The following CSMD1 variants were observed in gnomAD, a reference collection of about 807,000 sequenced individuals.
CSMD1 encodes the protein CUB and sushi domain-containing protein 1.
In CSMD1, 213 loss-of-function variants were observed where a neutral mutation model predicts 417.5. The ratio of observed to expected loss-of-function variants is 0.51; its 90% confidence interval spans 0.46 to 0.57. The LOEUF is 0.57. Among genes scored for constraint, CSMD1 ranks in the 20% least tolerant of loss-of-function variants. The pLI is 0.00. For missense variants in CSMD1, 6,923 were observed against 4,529.7 expected, an observed-to-expected ratio of 1.53 and a Z score of -15.17; for synonymous variants, 2,862 against 1,736.8, an observed-to-expected ratio of 1.65 and a Z score of -16.11.
intron 52 of CSMD1, among the ~76,000 whole-genome samples, chr8:3,004,485 C>G (rs1164219672): frequency 1.3e-5 from 2 of 152,174 alleles, no homozygotes; most frequent in African/African-American, 2.4e-5. Flanking sequence ...TACTAGTAAT[C>G]TGAACCCAGC....
intron 5 of CSMD1, among the ~76,000 whole-genome samples, chr8:3,936,060 G>C (rs1486814207): frequency 6.6e-6 from 1 of 152,034 alleles, no homozygotes; most frequent in African/African-American, 2.4e-5. Context: ...AGTGTCCTGG[G>C]TAAAAGACCA....
intron 1 of CSMD1, among the ~76,000 whole-genome samples, chr8:4,835,224 T>C (rs928622068): frequency 2.0e-5 from 3 of 151,910 alleles, no homozygotes; most frequent in African/African-American, 7.2e-5. Context: ...AGAGAGGAGA[T>C]AAATGATTGA....
chr8:3,460,772 G>T (rs1563060577), intron 12 of CSMD1, among the ~76,000 whole-genome samples: 2 of 152,254 alleles, frequency 1.3e-5, no homozygotes, highest in South Asian at 4.2e-4. Context: ...AAGAATATAG[G>T]GAGATTATTT....
intron 10 of CSMD1, among the ~76,000 whole-genome samples, chr8:3,564,525 G>GTGTGTGTGTGTGTGTT (rs1799613686): frequency 6.6e-6 from 1 of 150,936 alleles, no homozygotes; most frequent in Non-Finnish European, 1.5e-5. Context: ...ATTTGTGTGT[G>GTGTGTGTGTGTGTGTT]TGTGTGTGTG....
chr8:3,473,428 T>G (rs1179935979), intron 11 of CSMD1, among the ~76,000 whole-genome samples: 2 of 152,320 alleles, frequency 1.3e-5, no homozygotes, highest in East Asian at 3.9e-4. Flanking sequence ...TAAAAGCACT[T>G]TTTATTTTTA....
In CSMD1 at chr8:3,723,948, G is replaced by A. The variant is rs1358182609; in HGVS notation, c.932-15457C>T. On this transcript the variant is annotated intron_variant, in intron 6 of 69. Transcript: ENST00000635120. ...TTTTGTAGCTAACTTTTAAGAAATA[G>A]CCATTTGTTAAGTTTAATGTTGTGT... is the stretch of plus-strand genomic sequence containing the variant. 6.7e-5 allele frequency among the ~76,000 whole-genome samples: 10 copies of A among 148,356 alleles called. 3 individuals are homozygous for A. The highest frequency in any genetic ancestry group is 3.4e-4 in the Admixed American group (5 of 14,654).
chr8:4,369,572 C>T (rs554631681), intron 3 of CSMD1, among the ~76,000 whole-genome samples: 1 of 151,342 alleles, frequency 6.6e-6, no homozygotes, highest in African/African-American at 2.4e-5. Context: ...GAGTGGTTGT[C>T]TAAGTCTGTC....
chr8:3,878,161 C>T (rs570392223), intron 5 of CSMD1, among the ~76,000 whole-genome samples: 9 of 151,898 alleles, frequency 5.9e-5, no homozygotes, highest in Admixed American at 2.0e-4. Context: ...ATTTTTTGCA[C>T]GAGAGATTCA....
rs986723587 is a variant in CSMD1, at chr8:3,219,264, C to G, written c.4663G>C (p.Glu1555Gln). 9 of 1,590,478 alleles carry G rather than the reference C, an allele frequency of 5.7e-6. No individual in the cohort carries two copies. Among genetic ancestry groups the G allele is most frequent in the Non-Finnish European group, 7.7e-6 (9 of 1,167,454 alleles). Residue 1555 changes from glutamate (E) to glutamine (Q), a missense_variant, in exon 29 of 70, where the codon GAA becomes CAA. Glu to Gln is a conservative substitution (Grantham distance 29, BLOSUM62 2). Coordinates refer to ENST00000635120, the MANE Select transcript of CSMD1 (RefSeq NM_033225.6). ...CAGGCAATCGCAATACCTTTAAATTCAATGGCGAACCCTGAAAGGCCCACG... is the reference window on the plus strand; with the variant it reads ...CAGGCAATCGCAATACCTTTAAATTGAATGGCGAACCCTGAAAGGCCCACG... ...ASVGLSGFAI[E>Q]FKEKPREACF... is the part of the protein sequence containing the mutation.
intron 11 of CSMD1, among the ~76,000 whole-genome samples, chr8:3,480,942 G>A (rs1164846589): frequency 6.6e-6 from 1 of 151,940 alleles, no homozygotes; most frequent in Non-Finnish European, 1.5e-5. Context: ...GGATCACAAG[G>A]TCAGGAGATC....
intron 2 of CSMD1, among the ~76,000 whole-genome samples, chr8:4,480,203 A>G (rs1440700881): frequency 6.6e-6 from 1 of 151,306 alleles, no homozygotes; most frequent in Non-Finnish European, 1.5e-5. Context: ...AAAAAAAACA[A>G]AAAAAAACCG....
intron 51 of CSMD1, among the ~76,000 whole-genome samples, chr8:3,021,774 C>A (rs557126045): frequency 6.8e-6 from 1 of 146,864 alleles, no homozygotes; most frequent in African/African-American, 2.5e-5. Context: ...CCGGAATGCA[C>A]CTGCAATCCC....
At chr8:3,493,425 A>G (rs532742829) in intron 11 of CSMD1, among the ~76,000 whole-genome samples, 198 bp downstream of exon 11, 10 of 152,312 alleles carry the variant, frequency 6.6e-5, no homozygotes, top group African/African-American at 2.2e-4. Flanking sequence ...AAACAGTCGA[A>G]ACAGATAACA....
At chr8:4,818,266 G>A (rs1320982310) in intron 1 of CSMD1, among the ~76,000 whole-genome samples, 3 of 152,012 alleles carry the variant, frequency 2.0e-5, no homozygotes, top group Admixed American at 2.0e-4. Context: ...TTTTCTCGTA[G>A]GTCACCCCGA....
intron 4 of CSMD1, among the ~76,000 whole-genome samples, chr8:4,025,055 C>A (rs925164588): frequency 1.2e-4 from 19 of 152,108 alleles, no homozygotes; most frequent in Non-Finnish European, 2.8e-4. Context: ...CAACATCAGA[C>A]TAATACTCAC....
intron 5 of CSMD1, among the ~76,000 whole-genome samples, chr8:3,995,290 C>T (rs751294780): frequency 1.3e-5 from 2 of 152,228 alleles, no homozygotes; most frequent in Admixed American, 6.5e-5. Context: ...TCATTGAAAG[C>T]TGAGAGTTCC....
intron 3 of CSMD1, among the ~76,000 whole-genome samples, chr8:4,358,840 T>C (rs556658226): frequency 1.3e-5 from 2 of 152,106 alleles, no homozygotes; most frequent in African/African-American, 4.8e-5. Flanking sequence ...TTGGTTTCAG[T>C]GCTCAAATAA....
At chr8:2,980,758 T>C (rs1585088250) in intron 54 of CSMD1, among the ~76,000 whole-genome samples, 2 of 152,216 alleles carry the variant, frequency 1.3e-5, no homozygotes, top group South Asian at 4.1e-4. Context: ...CAGGAGACAA[T>C]AAACCCCTCA....
intron 1 of CSMD1, among the ~76,000 whole-genome samples, chr8:4,841,930 A>AAAAACAAAACAAAAC (rs1800864783): frequency 2.4e-4 from 29 of 122,484 alleles, no homozygotes; most frequent in Non-Finnish European, 3.4e-4. Context: ...AAAAAAAAAA[A>AAAAACAAAACAAAAC]AAAAAAAAGT....
Sources: allele counts gnomAD v4.1 joint callset (sites outside exome capture counted in the v4.1 genomes callset), GRCh38; gene constraint gnomAD v4.1.1; transcripts MANE v1.5; gene names NCBI Gene and HGNC (gene_info 2026-07-23, HGNC 2026-07-21).